Variants in COL22A1 observed in about 807,000 individuals in gnomAD.
COL22A1 encodes the protein collagen type XXII alpha 1 chain.
In COL22A1, 221 loss-of-function variants were observed where a neutral mutation model predicts 248.9. The observed-to-expected ratio is 0.89, with a 90% CI of 0.80 to 0.99. COL22A1 has a LOEUF of 0.99. Ranked by LOEUF, COL22A1 falls within the 50% of genes least tolerant of loss-of-function variation. The pLI is 0.00. For synonymous variants in COL22A1, 891 were observed against 793.4 expected, an observed-to-expected ratio of 1.12 and a Z score of -2.07; for missense variants, 2,240 against 2,179.0, an observed-to-expected ratio of 1.03 and a Z score of -0.56.
intron 51 of COL22A1, among the ~76,000 whole-genome samples, chr8:138,625,322 GA>G (rs773531809): frequency 2.6e-5 from 4 of 151,642 alleles, no homozygotes; most frequent in Non-Finnish European, 5.9e-5. Context: ...TGCATTCTGG[GA>G]ATCAAAAAAA....
At chr8:138,873,897 A>C (rs576030860) in intron 3 of COL22A1, among the ~76,000 whole-genome samples, 1 of 152,320 alleles carries the variant, frequency 6.6e-6, no homozygotes, top group East Asian at 1.9e-4. Flanking sequence ...TGACTACTAC[A>C]TCAAAAAAAA....
chr8:138,841,670 GAC>G (rs1820892850), intron 4 of COL22A1, among the ~76,000 whole-genome samples: 1 of 152,220 alleles, frequency 6.6e-6, no homozygotes, highest in African/African-American at 2.4e-5. Context: ...GTTTTAGAAA[GAC>G]AGCCCTTGAC....
At chr8:138,800,695 T>C (rs1816927482) in intron 11 of COL22A1, among the ~76,000 whole-genome samples, 1 of 152,202 alleles carries the variant, frequency 6.6e-6, no homozygotes, top group African/African-American at 2.4e-5. Context: ...GATGGACCGC[T>C]TCCCAGAGTT....
At chr8:138,835,721 G>A (rs576047214) in intron 4 of COL22A1, among the ~76,000 whole-genome samples, 12 of 152,332 alleles carry the variant, frequency 7.9e-5, no homozygotes, top group African/African-American at 2.9e-4. Context: ...ACGTGGACCA[G>A]ATACCCAGAT....
At chr8:138,823,853 A>G (rs1003482166) in intron 6 of COL22A1, among the ~76,000 whole-genome samples, 2 of 152,202 alleles carry the variant, frequency 1.3e-5, no homozygotes, top group Admixed American at 1.3e-4. Flanking sequence ...AGGAAAACAC[A>G]TGGTACACAG....
intron 47 of COL22A1, among the ~76,000 whole-genome samples, chr8:138,646,357 T>G (rs570816194): frequency 6.6e-5 from 10 of 152,194 alleles, no homozygotes; most frequent in Non-Finnish European, 1.2e-4. Context: ...AAAACTCATG[T>G]CTTAACCAGT....
intron 63 of COL22A1, 129 bp from the exon 64 acceptor site, chr8:138,591,630 GCACACA>G: frequency 1.8e-6 from 1 of 556,990 alleles, no homozygotes; most frequent in Non-Finnish European, 3.0e-6. Flanking sequence ...ACCACCCTGA[GCACACA>G]CACTCATGCC....
chr8:138,713,287 C>G (rs1442736889), intron 30 of COL22A1, among the ~76,000 whole-genome samples: 1 of 152,074 alleles, frequency 6.6e-6, no homozygotes, highest in Non-Finnish European at 1.5e-5. Context: ...GTGGTCCCAG[C>G]CAAGCTTTGG....
At position 138,704,852 on chromosome 8, in the gene COL22A1, G is replaced by A. The variant is rs4599858; in HGVS notation, c.2518-1505C>T. On this transcript the variant is annotated intron_variant, in intron 30 of 64. Transcript: ENST00000303045. ...TTCACTGAGCTAAAGGAGGATGTTCGAACCCATTGCAAAGAAGCTAAAAAC... is the reference window on the plus strand; with the variant it reads ...TTCACTGAGCTAAAGGAGGATGTTCAAACCCATTGCAAAGAAGCTAAAAAC... Among the ~76,000 whole-genome samples the A allele has an allele frequency of 2.9e-3, 445 of 152,246 alleles. 6 individuals are homozygous for A. The highest frequency in any genetic ancestry group is 0.023 in the Admixed American group (344 of 15,286).
In COL22A1 at chr8:138,853,128, T is replaced by A. The variant is rs1261806903; in HGVS notation, c.659-8970A>T. Among the ~76,000 whole-genome samples the A allele has an allele frequency of 2.0e-5, 3 of 151,870 alleles. No individual in the cohort carries two copies. In the East Asian group the frequency reaches 5.8e-4, roughly 29 times the overall value. On this transcript the variant is annotated intron_variant, in intron 3 of 64. Transcript: ENST00000303045. ...AGGGAGAGGCTACAGTGAGCAGAGA[T>A]CACACCACTGCACTCCAGCCTGGGT...
At chr8:138,685,750 G>A (rs766083373) in intron 37 of COL22A1, among the ~76,000 whole-genome samples, 3 of 152,172 alleles carry the variant, frequency 2.0e-5, no homozygotes, top group Non-Finnish European at 4.4e-5. Context: ...CCCTGAGAAG[G>A]AGCCAGTCCT....
chr8:138,726,199 C>T (rs1469211689), intron 23 of COL22A1, among the ~76,000 whole-genome samples: 1 of 151,796 alleles, frequency 6.6e-6, no homozygotes, highest in African/African-American at 2.4e-5. Flanking sequence ...CAAATAATTA[C>T]GGTAGAAAAG....
chr8:138,702,663 G>A (rs1402015214), intron 31 of COL22A1, among the ~76,000 whole-genome samples: 1 of 151,932 alleles, frequency 6.6e-6, no homozygotes, highest in Non-Finnish European at 1.5e-5. Flanking sequence ...CAGTTCTTGG[G>A]AGTAAGATAA....
chr8:138,800,309 G>A (rs1041770955), intron 11 of COL22A1, among the ~76,000 whole-genome samples: 11 of 152,194 alleles, frequency 7.2e-5, no homozygotes, highest in Non-Finnish European at 1.2e-4. Context: ...GGGGGTTGGG[G>A]AGAGGAAGCG....
intron 4 of COL22A1, among the ~76,000 whole-genome samples, chr8:138,835,420 T>G (rs1286730315): frequency 6.6e-6 from 1 of 152,150 alleles, no homozygotes; most frequent in African/African-American, 2.4e-5. Flanking sequence ...GACGGTTGGT[T>G]TGTGGGAGGG....
chr8:138,827,164 A>G, intron 5 of COL22A1: 1 of 245,228 alleles, frequency 4.1e-6, no homozygotes, highest in South Asian at 6.1e-5. Flanking sequence ...GCCAGGACAA[A>G]TGGATATACC....
intron 3 of COL22A1, among the ~76,000 whole-genome samples, chr8:138,867,802 C>G (rs557329062): frequency 1.3e-5 from 2 of 152,316 alleles, no homozygotes; most frequent in Admixed American, 6.5e-5. Flanking sequence ...AAGTCCTACT[C>G]TGTCGCCAGA....
chr8:138,766,616 C>T (rs929737572), intron 16 of COL22A1, among the ~76,000 whole-genome samples: 18 of 151,948 alleles, frequency 1.2e-4, no homozygotes, highest in African/African-American at 4.4e-4. Flanking sequence ...CACAGAGAAG[C>T]AGAGGGACAG....
chr8:138,812,492 G>T (rs1818324656), intron 8 of COL22A1, among the ~76,000 whole-genome samples: 1 of 152,194 alleles, frequency 6.6e-6, no homozygotes, highest in African/African-American at 2.4e-5. Context: ...AGAGGCTGAG[G>T]TCCGAGAACA....
Sources: allele counts gnomAD v4.1 joint callset (sites outside exome capture counted in the v4.1 genomes callset), GRCh38; gene constraint gnomAD v4.1.1; transcripts MANE v1.5; gene names NCBI Gene and HGNC (gene_info 2026-07-23, HGNC 2026-07-21).